Variants in NOTCH2 observed in about 807,000 individuals in gnomAD.
NOTCH2 encodes the protein notch receptor 2, also known as neurogenic locus notch homolog protein 2.
Under a neutral mutation model 235.8 loss-of-function variants are expected in NOTCH2, and 29 were observed. The ratio of observed to expected loss-of-function variants is 0.12; its 90% CI spans 0.09 to 0.17. The LOEUF is 0.17. NOTCH2 is among the 10% of genes least tolerant of loss of function. The pLI, the probability that NOTCH2 is intolerant of heterozygous loss-of-function variation, is 1.00. For synonymous variants in NOTCH2, 1,086 were observed against 1,141.5 expected (o/e 0.95, Z 0.98); for missense variants, 2,285 against 3,150.2 (o/e 0.73, Z 6.57).
At chr1:119,986,898 A>G in intron 5 of NOTCH2, 62 bp downstream of exon 5, 1 of 1,610,546 alleles carries the variant, frequency 6.2e-7, no homozygotes, top group Non-Finnish European at 8.5e-7. Flanking sequence ...TTTTAAAAAA[A>G]CAGTCTGCCT....
intron 9 of NOTCH2, among the ~76,000 whole-genome samples, chr1:119,966,142 G>A (rs868983585): frequency 1.3e-5 from 2 of 152,274 alleles, no homozygotes; most frequent in African/African-American, 2.4e-5. Flanking sequence ...ATACACAGAC[G>A]AAGAGGTCAT....
At chr1:120,000,475 A>C (rs1179357024) in intron 3 of NOTCH2, among the ~76,000 whole-genome samples, 3 of 143,440 alleles carry the variant, frequency 2.1e-5, no homozygotes, top group African/African-American at 8.3e-5. Flanking sequence ...TGGAGCTTGC[A>C]GTGAACCGAG....
At position 120,069,604 on chromosome 1, in the gene NOTCH2, G is replaced by C; in HGVS notation, c.-198C>G. The C allele has an allele frequency of 1.4e-6, 2 of 1,408,196 alleles. No homozygotes were observed. Among genetic ancestry groups the C allele is most frequent in the Non-Finnish European group, 1.8e-6 (2 of 1,090,240 alleles). The allele number at this position is 1,408,196 out of a possible 1,614,324, so 87.2% of individuals were successfully genotyped here. On this transcript the variant is annotated 5_prime_UTR_variant, in exon 1 of 34. Coordinates refer to ENST00000256646, the MANE Select transcript of NOTCH2 (RefSeq NM_024408.4). ...CCGAGTCCGCCGCTCCTCGGCCGCC[G>C]CCTCAGCCGCCGCCCGAAGTTTGGC...
intron 27 of NOTCH2, 57 bp downstream of exon 27, chr1:119,922,579 T>A: frequency 3.1e-6 from 5 of 1,611,614 alleles, no homozygotes; most frequent in Non-Finnish European, 4.2e-6. Flanking sequence ...TGAAAATTGT[T>A]CCCCCAATTG....
At position 119,986,318 on chromosome 1, in the gene NOTCH2, T is replaced by C. The variant is rs1262770845; in HGVS notation, c.874+642A>G. 2.6e-5 allele frequency among the ~76,000 whole-genome samples: 4 copies of C among 152,248 alleles called. 1 individual carries two copies. Among genetic ancestry groups the C allele is most frequent in the Admixed American group, 2.6e-4 (4 of 15,278 alleles). On this transcript the variant is annotated intron_variant, in intron 5 of 33. Transcript: ENST00000256646. ...AGAACCAAATGTCTGCGTAAATCACTCAACCTGCCTAAGACTACATGAGAA... is the reference window on the plus strand; with the variant it reads ...AGAACCAAATGTCTGCGTAAATCACCCAACCTGCCTAAGACTACATGAGAA...
intron 4 of NOTCH2, among the ~76,000 whole-genome samples, chr1:119,988,988 T>C (rs1652124884): frequency 6.6e-6 from 1 of 152,240 alleles, no homozygotes; most frequent in African/African-American, 2.4e-5. Context: ...TAAAGTGTTT[T>C]CTTTTTATAA....
chr1:120,024,663 A>G (rs1653771965), intron 2 of NOTCH2, among the ~76,000 whole-genome samples: 2 of 151,250 alleles, frequency 1.3e-5, no homozygotes, highest in African/African-American at 4.9e-5. Context: ...ATTTACCTTA[A>G]AGTGTAGTTT....
chr1:119,948,311 C>A lies in NOTCH2; in HGVS notation c.2752+103G>T. The A allele has an allele frequency of 1.6e-6, 2 of 1,231,680 alleles. 1 individual carries two copies. The highest frequency in any genetic ancestry group is 2.4e-5 in the South Asian group (2 of 82,570). The allele number at this position is 1,231,680 out of a possible 1,614,324, so 76.3% of individuals were successfully genotyped here. On this transcript the variant is annotated intron_variant, in intron 17 of 33. Transcript: ENST00000256646. The stretch of plus-strand genomic sequence containing the variant: ...ATATGCTGGATAAATGACCGGTATG[C>A]CCAATGTCAGGCGTGAAAGGCGGCA...
At position 119,961,537 on chromosome 1, in the gene NOTCH2, T is replaced by C. The variant is rs116384445; in HGVS notation, c.1916-2035A>G. On this transcript the variant is annotated intron_variant, in intron 11 of 33. Coordinates refer to ENST00000256646, the MANE Select transcript of NOTCH2 (RefSeq NM_024408.4). ...CTACAAATGCCCAGTTTCCTATTCT[T>C]TTCTCCAAAGCCTTATTATTCAATT... is the stretch of plus-strand genomic sequence containing the variant. 2.7e-3 allele frequency among the ~76,000 whole-genome samples: 404 copies of C among 152,368 alleles called. 1 individual carries two copies. The highest frequency in any genetic ancestry group is 0.014 in the Middle Eastern group (4 of 294).
At position 119,978,914 on chromosome 1, in the gene NOTCH2, T is replaced by C. The variant is rs587644524; in HGVS notation, c.874+8046A>G. On this transcript the variant is annotated intron_variant, in intron 5 of 33. Transcript: ENST00000256646. ...ATGGAAAAAAACAACATGGCACCTA[T>C]TAAAAGATTCTACAACATAAAACAT... 1.1e-4 allele frequency among the ~76,000 whole-genome samples: 16 copies of C among 152,288 alleles called. No homozygotes were observed. The East Asian group carries it at 2.9e-3, about 28-fold the overall frequency.
intron 8 of NOTCH2, 105 bp from the exon 9 acceptor site, chr1:119,966,594 C>T (rs1412723444): frequency 1.2e-6 from 1 of 804,742 alleles, no homozygotes; most frequent in African/African-American, 1.7e-5. Flanking sequence ...CGAGTACACA[C>T]ATTTCTGCAG....
rs2101124330 is a variant in NOTCH2, at chr1:119,955,052, C to G, written c.2207G>C (p.Gly736Ala). ...SNPCIHGNCT[G>A]GLSGYKCLCD... ...GGCAGCTACTCACCCACTGAGACCT[C>G]CAGTACAGTTTCCATGGATGCAGGG... The change falls in exon 13 of 34, where the codon GGA becomes GCA. Residue 736 changes from glycine to alanine, a missense_variant. Transcript: ENST00000256646. 1 of 1,613,842 alleles carries G rather than the reference C, an allele frequency of 6.2e-7. No homozygotes were observed. Among genetic ancestry groups the G allele is most frequent in the Non-Finnish European group, 8.5e-7 (1 of 1,179,956 alleles).
At chr1:119,950,527 G>T in intron 15 of NOTCH2, 197 bp downstream of exon 15, 1 of 695,162 alleles carries the variant, frequency 1.4e-6, no homozygotes, top group East Asian at 2.7e-5. Context: ...GCAAATGACT[G>T]TCCACCACTT....
intron 22 of NOTCH2, among the ~76,000 whole-genome samples, chr1:119,931,102 T>TAAA (rs79286766): frequency 7.9e-6 from 1 of 126,478 alleles, no homozygotes; most frequent in Non-Finnish European, 1.7e-5. Context: ...GACTCTGTCT[T>TAAA]AAAAAAAAAA....
At chr1:120,036,964 T>C (rs1368415608) in intron 1 of NOTCH2, among the ~76,000 whole-genome samples, 3 of 152,214 alleles carry the variant, frequency 2.0e-5, no homozygotes, top group African/African-American at 7.2e-5. Context: ...ATCTCTAACA[T>C]GAGTAATTAA....
chr1:119,925,794 C>G lies in NOTCH2; in HGVS notation c.4022G>C (p.Arg1341Thr), dbSNP rs1649454348. The change falls in exon 25 of 34, where the codon AGG becomes ACG. Residue 1341 changes from arginine to threonine, a missense_variant. By Grantham distance (71) the Arg-to-Thr change is moderately conservative (BLOSUM62 -1). Transcript: ENST00000256646. ...CACTTGTCCACAGCTGCTCTGGCACCTTGCCCCGGAAAATCCCTGTGGAAA... is the reference window on the plus strand; with the variant it reads ...CACTTGTCCACAGCTGCTCTGGCACGTTGCCCCGGAAAATCCCTGTGGAAA... ...CRCPPGFSGARCQSSCGQVKC... is the reference protein window; with the variant it reads ...CRCPPGFSGATCQSSCGQVKC... The G allele has an allele frequency of 1.2e-6, 2 of 1,614,118 alleles. No individual in the cohort carries two copies. Among genetic ancestry groups the G allele is most frequent in the Non-Finnish European group, 1.7e-6 (2 of 1,180,020 alleles).
At position 119,940,662 on chromosome 1, in the gene NOTCH2, T is replaced by C; in HGVS notation, c.3076A>G (p.Ile1026Val). ...CATGGATGAGAGCTGCATTCATTGA[T>C]CTCATGGAGGCAGAAGGATCCAGTG... ...GFTGSFCLHE[I>V]NECSSHPCLN... Residue 1026 changes from isoleucine (I) to valine (V), a missense_variant, in exon 19 of 34, where the codon ATC becomes GTC. By Grantham distance (29) the Ile-to-Val change is conservative. Around this residue, in one of 6 missense-constraint regions of NOTCH2, gnomAD observed 1,173 missense variants for 1,515.3 expected, o/e 0.77. Transcript: ENST00000256646. 1.2e-6 allele frequency: 2 copies of C among 1,614,106 alleles called. No homozygotes were observed. The highest frequency in any genetic ancestry group is 1.7e-6 in the Non-Finnish European group (2 of 1,180,024).
At chr1:119,938,458 T>C (rs587735052) in intron 19 of NOTCH2, among the ~76,000 whole-genome samples, 1 of 152,316 alleles carries the variant, frequency 6.6e-6, no homozygotes, top group Non-Finnish European at 1.5e-5. Flanking sequence ...CAATTTTTGG[T>C]GAATCCATGA....
intron 22 of NOTCH2, among the ~76,000 whole-genome samples, chr1:119,931,362 C>A (rs1214152666): frequency 6.6e-6 from 1 of 152,070 alleles, no homozygotes; most frequent in South Asian, 2.1e-4. Flanking sequence ...GAAAGACATA[C>A]CAGGATTTGG....
Sources: allele counts gnomAD v4.1 joint callset (sites outside exome capture counted in the v4.1 genomes callset), GRCh38; gene constraint gnomAD v4.1.1; regional missense constraint gnomAD v4.1.1; transcripts MANE v1.5; gene names NCBI Gene and HGNC (gene_info 2026-07-23, HGNC 2026-07-21).